The following MEIKIN variants were observed in gnomAD, a reference collection of about 807,000 sequenced individuals.
MEIKIN encodes meiotic kinetochore factor.
Position 131,945,146 on chromosome 5 carries a change from G to GGCTACATACCTGAACGGCCCAGAGCC in MEIKIN, c.184_200+9dup. On this transcript the variant is annotated intron_variant, in intron 2 of 12. Transcript: ENST00000442687. ...AAGCTAGGATCGGGCTGTTACTGGA[G>GGCTACATACCTGAACGGCCCAGAGCC]GCTACATACCTGAACGGCCCAGAGC... 2 of 399,148 alleles carry GGCTACATACCTGAACGGCCCAGAGCC rather than the reference G, an allele frequency of 5.0e-6. No homozygotes were observed. Among genetic ancestry groups the GGCTACATACCTGAACGGCCCAGAGCC allele is most frequent in the South Asian group, 2.5e-4 (2 of 7,864 alleles). 24.7% of individuals were successfully genotyped at this position (399,148 alleles called of 1,614,324 possible).
rs570165451 is a variant in MEIKIN at position 131,945,453 on chromosome 5, T to C, written c.53A>G (p.Asn18Ser). 6.0e-5 allele frequency: 24 copies of C among 399,398 alleles called. No homozygotes were observed. Among genetic ancestry groups the C allele is most frequent in the East Asian group, 2.5e-4 (7 of 28,064 alleles). 24.7% of individuals were successfully genotyped at this position (399,398 alleles called of 1,614,324 possible). A position where few individuals can be genotyped will look rare whatever the true frequency, so the allele number is the denominator to read the frequency against. ...TRKKREGQRL[N>S]LTPTPDLGSP... ...GCCTAGGTCTGGCGTCGGGGTGAGA[T>C]TGAGCCTCTGACCCTCCCGCTTTTT... The change falls in exon 1 of 13, where the codon AAT (asparagine) becomes AGT (serine). Residue 18 changes from asparagine (N) to serine (S), a missense_variant. Transcript: ENST00000442687.
rs1170108577 is a variant in MEIKIN, at chr5:131,834,282, G to A, written c.976-15419C>T. Among the ~76,000 whole-genome samples, 4 of 152,164 alleles carry A rather than the reference G, an allele frequency of 2.6e-5. No homozygotes were observed. In the East Asian group the frequency reaches 5.8e-4, roughly 22 times the overall value. Reference sequence around the variant, plus strand: ...TTTGATATACACATACATTGTGTAAGAAGTACCACAATCAAATTAACACAT... The same window carrying A: ...TTTGATATACACATACATTGTGTAAAAAGTACCACAATCAAATTAACACAT... On this transcript the variant is annotated intron_variant, in intron 11 of 12. Coordinates refer to ENST00000442687, the MANE Select transcript of MEIKIN (RefSeq NM_001303622.2).
chr5:131,863,199 G>A (rs1580877706), intron 9 of MEIKIN, among the ~76,000 whole-genome samples: 1 of 152,102 alleles, frequency 6.6e-6, no homozygotes, highest in Admixed American at 6.6e-5. Context: ...TTGTTTTGTG[G>A]CCTAACATAG....
At chr5:131,850,899 G>A (rs967261800) in intron 11 of MEIKIN, among the ~76,000 whole-genome samples, 1 of 151,772 alleles carries the variant, frequency 6.6e-6, no homozygotes, top group African/African-American at 2.4e-5. Context: ...TGTGAGCCTT[G>A]ACTGCACCCT....
chr5:131,847,299 T>C (rs1297039309), intron 11 of MEIKIN, among the ~76,000 whole-genome samples: 2 of 152,052 alleles, frequency 1.3e-5, no homozygotes, highest in Admixed American at 1.3e-4. Flanking sequence ...ATGTTGTTTA[T>C]AAGAGACTCA....
chr5:131,819,956 TA>T (rs1749461596), intron 11 of MEIKIN, among the ~76,000 whole-genome samples: 1 of 148,226 alleles, frequency 6.7e-6, no homozygotes, highest in Admixed American at 6.7e-5. Context: ...TTTGTATTTT[TA>T]GTAGAGACGG....
chr5:131,898,076 G>C (rs1751084775), intron 8 of MEIKIN, among the ~76,000 whole-genome samples: 1 of 152,210 alleles, frequency 6.6e-6, no homozygotes. Flanking sequence ...GTGCCCTACA[G>C]ATGGGGTTTT....
intron 8 of MEIKIN, among the ~76,000 whole-genome samples, chr5:131,883,132 C>T (rs567175403): frequency 3.9e-5 from 6 of 152,248 alleles, no homozygotes; most frequent in Admixed American, 1.3e-4. Context: ...ACAGTTTATG[C>T]CATACTTAGG....
At chr5:131,893,188 G>A (rs1177528352) in intron 8 of MEIKIN, among the ~76,000 whole-genome samples, 2 of 152,350 alleles carry the variant, frequency 1.3e-5, no homozygotes, top group Non-Finnish European at 2.9e-5. Context: ...TGTCCCCAGA[G>A]GTGGAGCCTA....
chr5:131,897,265 C>T (rs533927222), intron 8 of MEIKIN, among the ~76,000 whole-genome samples: 7 of 152,198 alleles, frequency 4.6e-5, no homozygotes, highest in South Asian at 4.1e-4. Context: ...GTTAGTCTGA[C>T]GGGCTTCCCT....
chr5:131,860,983 C>T (rs1750276730), intron 9 of MEIKIN, among the ~76,000 whole-genome samples: 2 of 149,170 alleles, frequency 1.3e-5, no homozygotes, highest in African/African-American at 2.5e-5. Context: ...GGCTGGTCTC[C>T]AACTCTTGGC....
intron 11 of MEIKIN, among the ~76,000 whole-genome samples, chr5:131,834,717 C>T (rs910875804): frequency 2.0e-5 from 3 of 152,154 alleles, no homozygotes; most frequent in Non-Finnish European, 4.4e-5. Flanking sequence ...TCAATGGACA[C>T]TTGTGTTGTT....
chr5:131,823,034 A>C (rs149832813), intron 11 of MEIKIN, among the ~76,000 whole-genome samples: 1 of 151,248 alleles, frequency 6.6e-6, no homozygotes, highest in Non-Finnish European at 1.5e-5. Flanking sequence ...CTGGCCTGTA[A>C]GGTTTCTACT....
In MEIKIN at chr5:131,821,630, C is replaced by CTTTTTTTT. The variant is rs375765946; in HGVS notation, c.976-2775_976-2768dup. The stretch of plus-strand genomic sequence containing the variant: ...TAGCTATTGTTATATTGAGGTCTGC[C>CTTTTTTTT]TTTTTTTTTTTTTTTTTTTTTTTTT... On this transcript the variant is annotated intron_variant, in intron 11 of 12. Coordinates refer to ENST00000442687, the MANE Select transcript of MEIKIN (RefSeq NM_001303622.2). Among the ~76,000 whole-genome samples, 3 of 50,444 alleles carry CTTTTTTTT rather than the reference C, an allele frequency of 5.9e-5. 1 individual carries two copies. Among genetic ancestry groups the CTTTTTTTT allele is most frequent in the African/African-American group, 2.4e-4 (2 of 8,282 alleles). 33.1% of individuals were successfully genotyped at this position (50,444 alleles called of 152,430 possible).
At chr5:131,940,718 G>A (rs557864773) in intron 4 of MEIKIN, among the ~76,000 whole-genome samples, 2 of 152,060 alleles carry the variant, frequency 1.3e-5, no homozygotes, top group Non-Finnish European at 2.9e-5. Context: ...GGGATGTCCT[G>A]TATTTTTTAG....
intron 11 of MEIKIN, among the ~76,000 whole-genome samples, chr5:131,838,234 T>C (rs1033896305): frequency 1.3e-5 from 2 of 152,192 alleles, no homozygotes; most frequent in Non-Finnish European, 2.9e-5. Flanking sequence ...CTTTTTGATA[T>C]GCTGCTGGAA....
intron 8 of MEIKIN, among the ~76,000 whole-genome samples, chr5:131,888,453 A>T (rs1253945367): frequency 1.1e-4 from 16 of 152,134 alleles, no homozygotes; most frequent in African/African-American, 3.9e-4. Context: ...CATTTCTCTG[A>T]TGGCCAGTGA....
intron 9 of MEIKIN, among the ~76,000 whole-genome samples, chr5:131,874,869 T>C (rs556910501): frequency 2.8e-4 from 42 of 152,294 alleles, no homozygotes; most frequent in African/African-American, 1.0e-3. Flanking sequence ...TAATCCAGCA[T>C]ATAAACAGAA....
intron 11 of MEIKIN, among the ~76,000 whole-genome samples, chr5:131,845,272 TAAAAAAAAAAAAAAA>T (rs1158220526): frequency 4.4e-5 from 2 of 45,350 alleles, no homozygotes; most frequent in Non-Finnish European, 7.3e-5. Context: ...GACTTCGTCT[TAAAAAAAAAAAAAAA>T]AAAAAAAAAA....
Sources: gnomAD v4.1 joint callset for allele counts (sites outside exome capture counted in the v4.1 genomes callset) on GRCh38, gnomAD v4.1.1 for gene constraint, MANE v1.5 for transcripts, NCBI Gene and HGNC (gene_info 2026-07-23, HGNC 2026-07-21) for gene names.